RPL28: variants seen among roughly 807,000 people sequenced by gnomAD.
The protein encoded by RPL28 is large ribosomal subunit protein eL28.
A neutral mutation model predicts 12.5 loss-of-function variants in RPL28; 4 were observed. The ratio of observed to expected loss-of-function variants is 0.32; its 90% CI spans 0.16 to 0.73. The LOEUF (loss-of-function observed/expected upper bound fraction) is 0.73, where lower values mean the gene tolerates loss of function less well. RPL28 is among the 30% of genes least tolerant of loss of function. The pLI is 0.66. For synonymous variants in RPL28, 91 were observed against 72.5 expected (o/e 1.26, Z -1.30); for missense variants, 214 against 197.7 (o/e 1.08, Z -0.49).
downstream of RPL28, among the ~76,000 whole-genome samples, chr19:55,393,244 A>ACCTT (rs2090002614): frequency 1.0e-5 from 1 of 99,878 alleles, no homozygotes; most frequent in African/African-American, 4.0e-5. Context: ...TGGCCGACGC[A>ACCTT]CCCCCCCCCC....
At chr19:55,401,001 G>A in intron 4 of RPL28, 1 of 173,368 alleles carries the variant, frequency 5.8e-6, no homozygotes, top group Non-Finnish European at 1.2e-5. Flanking sequence ...ATTCTAGAGG[G>A]AGAAGTATAG....
Position 55,388,596 on chromosome 19 carries a change from A to G in RPL28, c.*264A>G, listed in dbSNP as rs546691751. The G allele has an allele frequency of 1.6e-6, 2 of 1,238,584 alleles. No homozygotes were observed. The highest frequency in any genetic ancestry group is 4.2e-5 in the Admixed American group (1 of 23,948). The allele number at this position is 1,238,584 out of a possible 1,614,324, so 76.7% of individuals were successfully genotyped here. A position where few individuals can be genotyped will look rare whatever the true frequency, so the allele number is the denominator to read the frequency against. ...GTTTGCTGACTTGTGATTGAGACCT[A>G]CTGTCCCATTGTGAGGTGGCCTGAA... On this transcript the variant is annotated 3_prime_UTR_variant, in exon 5 of 5. Coordinates refer to ENST00000344063, the MANE Select transcript of RPL28 (RefSeq NM_000991.5).
At chr19:55,402,792 G>A (rs1329592033) in intron 4 of RPL28, 2 of 631,098 alleles carry the variant, frequency 3.2e-6, no homozygotes, top group Non-Finnish European at 5.4e-6. Flanking sequence ...GGGGAAGGGA[G>A]GCGGTACATG....
At position 55,388,233 on chromosome 19, in the gene RPL28, C is replaced by G; in HGVS notation, c.325-10C>G. On this transcript the variant is annotated splice_polypyrimidine_tract_variant and intron_variant, in intron 4 of 4. Coordinates refer to ENST00000344063, the MANE Select transcript of RPL28 (RefSeq NM_000991.5). Reference sequence around the variant, plus strand: ...ATGGGCTGAGCCTTGCTCTGCTCCCCCGCCCCCAGGCAGCCATCCGCAGGG... The same window carrying G: ...ATGGGCTGAGCCTTGCTCTGCTCCCGCGCCCCCAGGCAGCCATCCGCAGGG... 6.5e-7 allele frequency: 1 copy of G among 1,527,566 alleles called. No homozygotes were observed. The highest frequency in any genetic ancestry group is 1.9e-4 in the Middle Eastern group (1 of 5,350). The allele number at this position is 1,527,566 out of a possible 1,614,324, so 94.6% of individuals were successfully genotyped here.
chr19:55,403,080 C>A, exon 5 of RPL28: 1 of 1,236,724 alleles, frequency 8.1e-7, no homozygotes, highest in Non-Finnish European at 1.1e-6. Flanking sequence ...AGGATTTGGG[C>A]AGCACCCTTG....
At chr19:55,392,151 A>G, downstream of RPL28, 1 of 982,082 alleles carries the variant, frequency 1.0e-6, no homozygotes, top group Non-Finnish European at 1.2e-6. Flanking sequence ...ATGCAGGGGA[A>G]GAAAATCTCA....
Position 55,391,637 on chromosome 19 carries a change from T to C in RPL28, c.*3305T>C, listed in dbSNP as rs1600308188. On this transcript the variant is annotated 3_prime_UTR_variant, in exon 5 of 5. Coordinates refer to ENST00000344063, the MANE Select transcript of RPL28 (RefSeq NM_000991.5). The stretch of plus-strand genomic sequence containing the variant: ...CAAGTTCCTCAACCTCTCTGTGTCT[T>C]CGTACCCTCATCTGTAACATGCGTG... The C allele has an allele frequency of 1.3e-6, 2 of 1,546,334 alleles. No individual in the cohort carries two copies. Among genetic ancestry groups the C allele is most frequent in the Non-Finnish European group, 1.8e-6 (2 of 1,142,160 alleles).
chr19:55,393,631 GTTTT>G (rs890657595), downstream of RPL28, among the ~76,000 whole-genome samples: 11 of 114,622 alleles, frequency 9.6e-5, no homozygotes, highest in Non-Finnish European at 1.8e-4. Flanking sequence ...TCACCAATTT[GTTTT>G]TTTTTTTTTT....
At chr19:55,386,895 C>G in intron 3 of RPL28, 1 of 1,515,442 alleles carries the variant, frequency 6.6e-7, no homozygotes, top group Non-Finnish European at 8.8e-7. Flanking sequence ...GTGTCCTCAC[C>G]TGTAAAGTGG....
At chr19:55,388,169 C>T (rs551304348) in intron 4 of RPL28, 74 bp from the exon 5 acceptor site, 5 of 1,542,074 alleles carry the variant, frequency 3.2e-6, no homozygotes, top group East Asian at 2.3e-5. Flanking sequence ...GCCTACTCCC[C>T]ACACCCAGCA....
Position 55,391,653 on chromosome 19 carries a change from A to T in RPL28, c.*3321A>T, listed in dbSNP as rs1399253943. The T allele has an allele frequency of 6.5e-7, 1 of 1,545,904 alleles. No individual in the cohort carries two copies. Among genetic ancestry groups the T allele is most frequent in the South Asian group, 1.2e-5 (1 of 83,940 alleles). ...TCTGTGTCTTCGTACCCTCATCTGTAACATGCGTGTCGATAGACCCTACTA... is the reference window on the plus strand; with the variant it reads ...TCTGTGTCTTCGTACCCTCATCTGTTACATGCGTGTCGATAGACCCTACTA... On this transcript the variant is annotated 3_prime_UTR_variant, in exon 5 of 5. Coordinates refer to ENST00000344063, the MANE Select transcript of RPL28 (RefSeq NM_000991.5).
Position 55,397,787 on chromosome 19 carries a change from G to GTGGGAGGTGGGAGT in RPL28, c.325-5143_325-5142insTTGGGAGGTGGGAG, listed in dbSNP as rs1319112312. Among the ~76,000 whole-genome samples, 10 of 151,162 alleles carry GTGGGAGGTGGGAGT rather than the reference G, an allele frequency of 6.6e-5. No individual in the cohort carries two copies. In the East Asian group the frequency reaches 1.7e-3, roughly 26 times the overall value. On this transcript the variant is annotated intron_variant, in intron 4 of 4. Coordinates refer to the RPL28 transcript ENST00000560055. ...GGGAGGCTGAGGTGGGAGGTGGGAG[G>GTGGGAGGTGGGAGT]TGGGAGGTGGGAGGTGGGAGGATCA...
intron 1 of RPL28, 170 bp downstream of exon 1, chr19:55,386,135 C>T (rs949289279): frequency 1.0e-5 from 6 of 572,790 alleles, no homozygotes; most frequent in East Asian, 5.7e-5. Context: ...CTCTCATTCG[C>T]CGCAGCTAGT....
downstream of RPL28, among the ~76,000 whole-genome samples, chr19:55,394,549 C>T (rs1361877685): frequency 6.6e-6 from 1 of 152,002 alleles, no homozygotes; most frequent in Non-Finnish European, 1.5e-5. Flanking sequence ...GTGTGAGCCA[C>T]TGCACCTAGC....
Position 55,391,129 on chromosome 19 carries a change from G to A in RPL28, c.*2797G>A. 1 of 249,820 alleles carries A rather than the reference G, an allele frequency of 4.0e-6. No individual in the cohort carries two copies. The highest frequency in any genetic ancestry group is 6.4e-6 in the Non-Finnish European group (1 of 155,990). 15.5% of individuals were successfully genotyped at this position (249,820 alleles called of 1,614,324 possible). A position where few individuals can be genotyped will look rare whatever the true frequency, so the allele number is the denominator to read the frequency against. ...CCTCATCAGAAACCAGGCCCAGGCAGTGGGGACACATCCAGAGTGCTGAAA... is the reference window on the plus strand; with the variant it reads ...CCTCATCAGAAACCAGGCCCAGGCAATGGGGACACATCCAGAGTGCTGAAA... On this transcript the variant is annotated 3_prime_UTR_variant, in exon 5 of 5. Coordinates refer to ENST00000344063, the MANE Select transcript of RPL28 (RefSeq NM_000991.5).
At chr19:55,399,245 A>AGTGCAGTGGCAGGATCTTG (rs1255487428) in intron 4 of RPL28, among the ~76,000 whole-genome samples, 2 of 151,914 alleles carry the variant, frequency 1.3e-5, no homozygotes, top group East Asian at 3.9e-4. Flanking sequence ...CAGCTCACTG[A>AGTGCAGTGGCAGGATCTTG]AACCTCTGTG....
intron 1 of RPL28, 136 bp from the exon 2 acceptor site, chr19:55,386,214 C>T: frequency 1.3e-6 from 1 of 759,236 alleles, no homozygotes; most frequent in African/African-American, 1.7e-5. Context: ...TTCTAGGTCG[C>T]TGTCTGCCCT....
chr19:55,386,766 G>A (rs754894569), intron 3 of RPL28, 73 bp downstream of exon 3: 2 of 1,612,140 alleles, frequency 1.2e-6, no homozygotes, highest in South Asian at 2.2e-5. Context: ...TTTACTGTCA[G>A]GCAGGAAGAG....
intron 4 of RPL28, among the ~76,000 whole-genome samples, chr19:55,397,326 G>A (rs2090030519): frequency 6.6e-6 from 1 of 152,214 alleles, no homozygotes; most frequent in Non-Finnish European, 1.5e-5. Context: ...TGTGCTGTAT[G>A]GTATTGTTTC....
Sources: gnomAD v4.1 joint callset for allele counts (sites outside exome capture counted in the v4.1 genomes callset) on GRCh38, gnomAD v4.1.1 for gene constraint, MANE v1.5 for transcripts, NCBI Gene and HGNC (gene_info 2026-07-23, HGNC 2026-07-21) for gene names.